The following ELAPOR2 variants were observed in gnomAD, a reference collection of about 807,000 sequenced individuals.
The protein encoded by ELAPOR2 is endosome-lysosome associated apoptosis and autophagy regulator family member 2.
A neutral mutation model predicts 120.7 loss-of-function variants in ELAPOR2; 89 were observed. That is an observed-to-expected ratio of 0.74 (90% CI 0.62 to 0.88). The LOEUF (loss-of-function observed/expected upper bound fraction) is 0.88. Ranked by LOEUF, ELAPOR2 falls within the 40% of genes least tolerant of loss-of-function variation. The probability of loss-of-function intolerance (pLI) is 0.00; values close to 1 mark genes in which losing one functional copy is unlikely to be tolerated. For synonymous variants in ELAPOR2, 444 were observed against 444.9 expected, an observed-to-expected ratio of 1.00 and a Z score of 0.03; for missense variants, 1,134 against 1,251.6, an observed-to-expected ratio of 0.91 and a Z score of 1.42.
At chr7:87,003,984 A>G (rs1401320532) in intron 1 of ELAPOR2, among the ~76,000 whole-genome samples, 2 of 151,992 alleles carry the variant, frequency 1.3e-5, no homozygotes, top group Non-Finnish European at 2.9e-5. Context: ...AAGCCTGCAC[A>G]CTCCCAGGCT....
At chr7:86,905,437 A>C (rs1788967630) in intron 18 of ELAPOR2, among the ~76,000 whole-genome samples, 1 of 152,128 alleles carries the variant, frequency 6.6e-6, no homozygotes, top group African/African-American at 2.4e-5. Context: ...TGATTCAAGA[A>C]AGAAATAAAG....
chr7:86,926,920 C>T lies in ELAPOR2; in HGVS notation c.1090-4G>A. On this transcript the variant is annotated splice_region_variant and splice_polypyrimidine_tract_variant and intron_variant, in intron 8 of 21. Coordinates refer to ENST00000450689, the MANE Select transcript of ELAPOR2 (RefSeq NM_001142749.3). Reference sequence around the variant, plus strand: ...TCCACTTGTACATTATCTGTGTCTACAAAAAAAAAAAAAAAAAAAAAGCAA... The same window carrying T: ...TCCACTTGTACATTATCTGTGTCTATAAAAAAAAAAAAAAAAAAAAAGCAA... The T allele has an allele frequency of 1.9e-5, 17 of 886,978 alleles. No homozygotes were observed. The highest frequency in any genetic ancestry group is 4.5e-5 in the East Asian group (1 of 22,078). 54.9% of individuals were successfully genotyped at this position (886,978 alleles called of 1,614,324 possible).
chr7:87,044,804 A>G (rs1029771732), intron 1 of ELAPOR2, among the ~76,000 whole-genome samples: 9 of 151,060 alleles, frequency 6.0e-5, no homozygotes, highest in Admixed American at 5.3e-4. Context: ...AGAAACTACC[A>G]TCAGAGTGAA....
intron 1 of ELAPOR2, among the ~76,000 whole-genome samples, chr7:86,971,758 C>G (rs768973853): frequency 6.6e-5 from 10 of 151,936 alleles, no homozygotes; most frequent in Non-Finnish European, 1.3e-4. Flanking sequence ...ATTGACTTAT[C>G]AAGGCAAGAA....
intron 21 of ELAPOR2, among the ~76,000 whole-genome samples, chr7:86,889,570 CG>C (rs766007968): frequency 3.3e-5 from 5 of 151,644 alleles, no homozygotes; most frequent in Non-Finnish European, 7.4e-5. Context: ...GATTTACTTC[CG>C]GGGGGGACAA....
chr7:86,890,033 G>C (rs531808652), intron 21 of ELAPOR2, among the ~76,000 whole-genome samples: 2 of 151,898 alleles, frequency 1.3e-5, no homozygotes, highest in South Asian at 4.2e-4. Context: ...GCTGTATAAA[G>C]CAAATTGATC....
At chr7:86,947,655 C>A in intron 3 of ELAPOR2, 72 bp downstream of exon 3, 1 of 1,300,534 alleles carries the variant, frequency 7.7e-7, no homozygotes, top group Non-Finnish European at 1.1e-6. Flanking sequence ...TCCTCATCTT[C>A]TTTCTGGAAA....
Position 86,892,902 on chromosome 7 carries a change from T to A in ELAPOR2, c.2864+20A>T, listed in dbSNP as rs1038180978. The stretch of plus-strand genomic sequence containing the variant: ...AATAGGCCCTCTAGCTCTCTTGTGA[T>A]CATCTCAGAGGGTACTTACTTTTGA... On this transcript the variant is annotated intron_variant, in intron 20 of 21. Transcript: ENST00000450689. 6.8e-7 allele frequency: 1 copy of A among 1,479,210 alleles called. No individual in the cohort carries two copies. The highest frequency in any genetic ancestry group is 8.9e-7 in the Non-Finnish European group (1 of 1,123,322). 91.6% of individuals were successfully genotyped at this position (1,479,210 alleles called of 1,614,324 possible). A position where few individuals can be genotyped will look rare whatever the true frequency, so the allele number is the denominator to read the frequency against.
At chr7:87,043,431 T>A (rs1259962320) in intron 1 of ELAPOR2, among the ~76,000 whole-genome samples, 3 of 151,784 alleles carry the variant, frequency 2.0e-5, no homozygotes, top group Non-Finnish European at 2.9e-5. Context: ...GTGGGCTTCA[T>A]TCCTGGGATG....
rs2115685966 is a variant in ELAPOR2 at position 86,878,803 on chromosome 7, A to T, written c.*1668T>A. ...AGAAATTAAATGCAAAAAAAGGTTT[A>T]TGCAAAGTGACTCCCTCCCTGAATC... On this transcript the variant is annotated 3_prime_UTR_variant, in exon 22 of 22. Transcript: ENST00000450689. 6.6e-6 allele frequency: 1 copy of T among 152,338 alleles called. No individual in the cohort carries two copies. 9.4% of individuals were successfully genotyped at this position (152,338 alleles called of 1,614,324 possible).
chr7:86,917,540 A>G (rs1332418259), intron 12 of ELAPOR2, among the ~76,000 whole-genome samples: 1 of 152,214 alleles, frequency 6.6e-6, no homozygotes, highest in Non-Finnish European at 1.5e-5. Context: ...CAGCAATGGC[A>G]CTGAGTATGA....
chr7:86,892,920 A>G lies in ELAPOR2; in HGVS notation c.2864+2T>C, dbSNP rs780560700. On this transcript the variant is annotated splice_donor_variant, in intron 20 of 21. Transcript: ENST00000450689. LOFTEE classifies it high-confidence loss of function. ...CTTGTGATCATCTCAGAGGGTACTT[A>G]CTTTTGATTCTTTTTCCAGAAGTAG... 1.3e-6 allele frequency: 2 copies of G among 1,531,966 alleles called. No individual in the cohort carries two copies. The highest frequency in any genetic ancestry group is 2.6e-5 in the South Asian group (2 of 75,482). The allele number at this position is 1,531,966 out of a possible 1,614,324, so 94.9% of individuals were successfully genotyped here. A position where few individuals can be genotyped will look rare whatever the true frequency, so the allele number is the denominator to read the frequency against.
intron 8 of ELAPOR2, among the ~76,000 whole-genome samples, chr7:86,937,518 C>T (rs186939940): frequency 6.6e-6 from 1 of 152,194 alleles, no homozygotes; most frequent in East Asian, 1.9e-4. Context: ...AGGTCAACTG[C>T]AGAGCTCATG....
At position 86,884,708 on chromosome 7, in the gene ELAPOR2, G is replaced by A. The variant is rs28613946; in HGVS notation, c.3031-4178C>T. ...ATCATCTACAAGGAGTACTAAAAGG[G>A]AAAAATGGAAATCATTTATGGGAAG... On this transcript the variant is annotated intron_variant, in intron 21 of 21. Coordinates refer to ENST00000450689, the MANE Select transcript of ELAPOR2 (RefSeq NM_001142749.3). Among the ~76,000 whole-genome samples the A allele has an allele frequency of 3.9e-3, 586 of 152,184 alleles. 4 individuals are homozygous for A. The highest frequency in any genetic ancestry group is 0.013 in the African/African-American group (559 of 41,534).
intron 1 of ELAPOR2, among the ~76,000 whole-genome samples, chr7:87,015,643 T>G (rs1371340672): frequency 6.6e-6 from 1 of 151,734 alleles, no homozygotes; most frequent in Non-Finnish European, 1.5e-5. Flanking sequence ...AAAACATTAC[T>G]TGGGCATGGT....
At chr7:86,943,692 G>T (rs1790890706) in intron 4 of ELAPOR2, among the ~76,000 whole-genome samples, 1 of 151,976 alleles carries the variant, frequency 6.6e-6, no homozygotes. Context: ...TAACTGCTTT[G>T]CTTCTTAACT....
intron 1 of ELAPOR2, among the ~76,000 whole-genome samples, chr7:87,041,272 G>C (rs536257597): frequency 3.9e-5 from 6 of 152,056 alleles, no homozygotes; most frequent in African/African-American, 1.4e-4. Context: ...ACGCCACAAA[G>C]ATACTCCTCG....
At chr7:86,881,370 T>A (rs552306532) in intron 21 of ELAPOR2, among the ~76,000 whole-genome samples, 42 of 151,774 alleles carry the variant, frequency 2.8e-4, no homozygotes, top group South Asian at 8.4e-4. Context: ...TTTTTTTTTT[T>A]TTTGAGTCAG....
intron 1 of ELAPOR2, among the ~76,000 whole-genome samples, chr7:86,999,057 A>G (rs1793223111): frequency 3.3e-5 from 5 of 151,982 alleles, no homozygotes; most frequent in Admixed American, 3.3e-4. Flanking sequence ...TCTCCACTCC[A>G]TCTCTTCCTA....
Sources: allele counts gnomAD v4.1 joint callset (sites outside exome capture counted in the v4.1 genomes callset), GRCh38; gene constraint gnomAD v4.1.1; transcripts MANE v1.5; gene names NCBI Gene and HGNC (gene_info 2026-07-23, HGNC 2026-07-21).